Variants in NPAS3 observed in about 807,000 individuals in gnomAD.
NPAS3 encodes the protein neuronal PAS domain protein 3, also known as neuronal PAS domain-containing protein 3.
In NPAS3, 14 loss-of-function variants were observed where a neutral mutation model predicts 73.1. The observed-to-expected ratio is 0.19, with a 90% CI of 0.13 to 0.30. The LOEUF is 0.30. NPAS3 is among the 10% of genes least tolerant of loss of function. The pLI, the probability that NPAS3 is intolerant of heterozygous loss-of-function variation, is 1.00. For synonymous variants in NPAS3, 620 were observed against 541.5 expected (o/e 1.14, Z -2.01); for missense variants, 1,096 against 1,250.0 (o/e 0.88, Z 1.86).
At chr14:33,427,672 C>T (rs189699372) in intron 4 of NPAS3, among the ~76,000 whole-genome samples, 26 of 151,884 alleles carry the variant, frequency 1.7e-4, no homozygotes, top group African/African-American at 6.0e-4. Flanking sequence ...CTTTGAATGT[C>T]AATAAAATTG....
intron 5 of NPAS3, chr14:33,578,416 A>G (rs1337078331): frequency 2.9e-6 from 1 of 349,776 alleles, no homozygotes; most frequent in Non-Finnish European, 5.6e-6. Flanking sequence ...GTGGTCTGGA[A>G]CTCAAAACCT....
intron 3 of NPAS3, among the ~76,000 whole-genome samples, chr14:33,366,828 A>T (rs2045866356): frequency 1.3e-5 from 2 of 152,170 alleles, no homozygotes; most frequent in South Asian, 2.1e-4. Context: ...CAGTATGCAG[A>T]TGCTTAAAAA....
chr14:32,993,472 A>T (rs1698561582), intron 1 of NPAS3, among the ~76,000 whole-genome samples: 1 of 152,144 alleles, frequency 6.6e-6, no homozygotes, highest in African/African-American at 2.4e-5. Context: ...GGGACAGAAG[A>T]TCTAAGGTGG....
chr14:33,443,250 A>G (rs1161196759), intron 4 of NPAS3, among the ~76,000 whole-genome samples: 2 of 152,104 alleles, frequency 1.3e-5, no homozygotes, highest in Non-Finnish European at 2.9e-5. Flanking sequence ...GGAAAATTTG[A>G]CTATATATCT....
intron 4 of NPAS3, among the ~76,000 whole-genome samples, chr14:33,551,765 C>G (rs1402686459): frequency 6.6e-6 from 1 of 152,110 alleles, no homozygotes; most frequent in Non-Finnish European, 1.5e-5. Flanking sequence ...GTCCCCTGTC[C>G]ACTTCTGGGC....
At chr14:33,445,753 A>G (rs954009040) in intron 4 of NPAS3, among the ~76,000 whole-genome samples, 1 of 152,208 alleles carries the variant, frequency 6.6e-6, no homozygotes, top group African/African-American at 2.4e-5. Flanking sequence ...AGGAATTTGC[A>G]GGTTCAGTGG....
intron 5 of NPAS3, among the ~76,000 whole-genome samples, chr14:33,661,545 T>C (rs189929763): frequency 6.6e-6 from 1 of 152,320 alleles, no homozygotes; most frequent in Non-Finnish European, 1.5e-5. Flanking sequence ...CAATGAATAT[T>C]ACAATACATA....
intron 4 of NPAS3, among the ~76,000 whole-genome samples, chr14:33,395,194 AAG>A (rs748708324): frequency 4.6e-5 from 7 of 152,170 alleles, no homozygotes; most frequent in Non-Finnish European, 8.8e-5. Context: ...GGGTCATATG[AAG>A]AGTTATTATC....
chr14:33,315,757 T>C (rs1277999769), intron 3 of NPAS3, among the ~76,000 whole-genome samples: 1 of 151,468 alleles, frequency 6.6e-6, no homozygotes, highest in Non-Finnish European at 1.5e-5. Context: ...GCTATGGGGG[T>C]AAGGTAGGCT....
At chr14:33,502,591 G>A (rs1234779793) in intron 4 of NPAS3, among the ~76,000 whole-genome samples, 1 of 151,718 alleles carries the variant, frequency 6.6e-6, no homozygotes. Flanking sequence ...CCTCCAAATA[G>A]GTTCGTTTCT....
chr14:33,467,068 C>A (rs2050561035), intron 4 of NPAS3, among the ~76,000 whole-genome samples: 1 of 152,182 alleles, frequency 6.6e-6, no homozygotes, highest in African/African-American at 2.4e-5. Context: ...TGTTAGTGTT[C>A]ATAAAGTTGT....
chr14:33,029,070 A>G (rs2039903772), intron 1 of NPAS3, among the ~76,000 whole-genome samples: 1 of 152,066 alleles, frequency 6.6e-6, no homozygotes, highest in South Asian at 2.1e-4. Context: ...CAGAGGGTGT[A>G]AGAGGAGCAA....
intron 2 of NPAS3, among the ~76,000 whole-genome samples, chr14:33,141,460 T>A (rs1473395738): frequency 1.3e-5 from 2 of 152,192 alleles, no homozygotes; most frequent in African/African-American, 4.8e-5. Context: ...ATTTTAAAAG[T>A]ACAGACAAAT....
At chr14:33,558,639 T>C (rs1325280360) in intron 4 of NPAS3, among the ~76,000 whole-genome samples, 1 of 151,588 alleles carries the variant, frequency 6.6e-6, no homozygotes, top group Non-Finnish European at 1.5e-5. Flanking sequence ...TATACACATA[T>C]ATATATAAGA....
chr14:33,576,484 A>T (rs918179328), intron 5 of NPAS3, among the ~76,000 whole-genome samples: 3 of 152,194 alleles, frequency 2.0e-5, no homozygotes, highest in Non-Finnish European at 2.9e-5. Flanking sequence ...GTATAAACAG[A>T]CTGGAGGGCA....
At chr14:33,124,153 C>A (rs919627074) in intron 2 of NPAS3, among the ~76,000 whole-genome samples, 1 of 152,162 alleles carries the variant, frequency 6.6e-6, no homozygotes, top group South Asian at 2.1e-4. Flanking sequence ...TGTGCCCAGC[C>A]TCTATGAAGT....
chr14:33,732,200 C>T (rs554371259), intron 6 of NPAS3, among the ~76,000 whole-genome samples: 19 of 152,278 alleles, frequency 1.2e-4, no homozygotes, highest in East Asian at 7.7e-4. Flanking sequence ...ATCCTCTCTT[C>T]GCCTCATCCC....
chr14:33,685,290 C>A (rs1008580936), intron 6 of NPAS3, among the ~76,000 whole-genome samples: 2 of 152,126 alleles, frequency 1.3e-5, no homozygotes, highest in Non-Finnish European at 1.5e-5. Context: ...CACACACTGC[C>A]GCTGCTAGCA....
chr14:33,188,964 C>T (rs570155325), intron 2 of NPAS3, among the ~76,000 whole-genome samples: 1 of 152,152 alleles, frequency 6.6e-6, no homozygotes, highest in South Asian at 2.1e-4. Flanking sequence ...CAGATTGTTC[C>T]TCAATAGCCT....
Sources: gnomAD v4.1 joint callset for allele counts (sites outside exome capture counted in the v4.1 genomes callset) on GRCh38, gnomAD v4.1.1 for gene constraint, MANE v1.5 for transcripts, NCBI Gene and HGNC (gene_info 2026-07-23, HGNC 2026-07-21) for gene names.